Variants in TCF20 observed in about 807,000 individuals in gnomAD.
TCF20 encodes the protein transcription factor 20.
In TCF20, 3 loss-of-function variants were observed where a neutral mutation model predicts 148.6. The ratio of observed to expected loss-of-function variants is 0.02; its 90% CI spans 0.01 to 0.05. The LOEUF is 0.05. Ranked by LOEUF, TCF20 falls within the 10% of genes least tolerant of loss-of-function variation. TCF20 has a pLI of 1.00. For synonymous variants in TCF20, 1,049 were observed against 909.5 expected (o/e 1.15, Z -2.76); for missense variants, 2,350 against 2,429.3 (o/e 0.97, Z 0.69).
At chr22:42,321,260 C>T (rs953595067) in intron 1 of TCF20, among the ~76,000 whole-genome samples, 1 of 152,204 alleles carries the variant, frequency 6.6e-6, no homozygotes, top group Non-Finnish European at 1.5e-5. Flanking sequence ...GGATGGGCAA[C>T]GCAGGCCATG....
chr22:42,241,326 TAGATCCAA>T (rs1345503903), intron 1 of TCF20, among the ~76,000 whole-genome samples: 1 of 152,198 alleles, frequency 6.6e-6, no homozygotes, highest in African/African-American at 2.4e-5. Context: ...GAGGCAGTTA[TAGATCCAA>T]AGGAACTCCA....
chr22:42,287,812 A>T (rs1433779279), upstream of TCF20, among the ~76,000 whole-genome samples: 1 of 152,230 alleles, frequency 6.6e-6, no homozygotes, highest in African/African-American at 2.4e-5. Context: ...CAATTGGTCC[A>T]GCATCCATTT....
upstream of TCF20, among the ~76,000 whole-genome samples, chr22:42,270,818 G>A (rs1443691969): frequency 6.8e-6 from 1 of 147,904 alleles, no homozygotes; most frequent in East Asian, 2.0e-4. Flanking sequence ...CGAGGCTGGC[G>A]CGCGCCGGGT....
At chr22:42,173,388 A>C (rs1418979768) in intron 3 of TCF20, among the ~76,000 whole-genome samples, 1 of 152,148 alleles carries the variant, frequency 6.6e-6, no homozygotes, top group Non-Finnish European at 1.5e-5. Context: ...GTGGGGGGGA[A>C]GGTGGCAGGA....
rs986177872 is a variant in TCF20, at chr22:42,310,162, T to G, written c.-37+33317A>C. Among the ~76,000 whole-genome samples the G allele has an allele frequency of 4.6e-5, 7 of 152,350 alleles. No homozygotes were observed. In the East Asian group the frequency reaches 1.3e-3, roughly 29 times the overall value. On this transcript the variant is annotated intron_variant, in intron 1 of 1. Coordinates refer to the TCF20 transcript ENST00000515426. ...CTCTAGGCAGAGGGAATTGTTTCTG[T>G]TGGACCTTGCAGGCCTTAACTGCCT...
chr22:42,191,131 A>G (rs1159825861), intron 2 of TCF20, among the ~76,000 whole-genome samples: 1 of 152,220 alleles, frequency 6.6e-6, no homozygotes, highest in Non-Finnish European at 1.5e-5. Flanking sequence ...GCATTACTCA[A>G]GAAGGCCTGG....
chr22:42,199,956 T>A (rs1411260172), intron 2 of TCF20, among the ~76,000 whole-genome samples: 3 of 70,326 alleles, frequency 4.3e-5, no homozygotes, highest in African/African-American at 6.9e-5. Flanking sequence ...TTTTTGGGAT[T>A]CTCTGGGTTT....
At chr22:42,203,054 T>C (rs1443867197) in intron 2 of TCF20, among the ~76,000 whole-genome samples, 1 of 152,240 alleles carries the variant, frequency 6.6e-6, no homozygotes, top group Non-Finnish European at 1.5e-5. Context: ...TAGTTTAACA[T>C]CCCAGGGATG....
chr22:42,203,807 C>G (rs1938203671), intron 2 of TCF20, among the ~76,000 whole-genome samples: 1 of 152,000 alleles, frequency 6.6e-6, no homozygotes, highest in African/African-American at 2.4e-5. Context: ...TGAGAAAGGG[C>G]AGTTGTAGCA....
chr22:42,210,942 G>A lies in TCF20; in HGVS notation c.4364C>T (p.Thr1455Ile). Residue 1455 changes from threonine (T) to isoleucine (I), a missense_variant, in exon 2 of 6, where the codon ACT becomes ATT. This residue lies in a region of TCF20 where 231 missense variants were observed against 213.7 expected (regional missense o/e 1.08). Coordinates refer to ENST00000677622, the MANE Select transcript of TCF20 (RefSeq NM_001378418.1). The surrounding 1 kb of genome is among the most constrained non-coding windows in gnomAD (Gnocchi z 4.7). ...VKTETHAETV[T>I]AGKEPPGAMT... is the part of the protein sequence containing the mutation. ...GGCACCAGGGGGTTCCTTTCCGGCAGTAACTGTTTCTGCATGTGTCTCTGT... is the reference window on the plus strand; with the variant it reads ...GGCACCAGGGGGTTCCTTTCCGGCAATAACTGTTTCTGCATGTGTCTCTGT... 1.2e-6 allele frequency: 2 copies of A among 1,614,164 alleles called. No homozygotes were observed. The highest frequency in any genetic ancestry group is 1.7e-5 in the Admixed American group (1 of 60,024).
intron 2 of TCF20, among the ~76,000 whole-genome samples, chr22:42,205,794 T>C (rs1405648420): frequency 3.3e-5 from 5 of 152,150 alleles, no homozygotes; most frequent in Admixed American, 1.3e-4. Context: ...TTTTTAGAGA[T>C]TGAATCCCAC....
chr22:42,174,566 C>T (rs932866211), intron 3 of TCF20, among the ~76,000 whole-genome samples: 3 of 152,148 alleles, frequency 2.0e-5, no homozygotes, highest in African/African-American at 4.8e-5. Context: ...ATAAAACTAA[C>T]AATCAACCAT....
upstream of TCF20, among the ~76,000 whole-genome samples, chr22:42,284,176 CG>C (rs1443723271): frequency 6.6e-6 from 1 of 151,088 alleles, no homozygotes; most frequent in African/African-American, 2.4e-5. Context: ...CCTTCAACTG[CG>C]GAGAGCGCGT....
intron 2 of TCF20, among the ~76,000 whole-genome samples, chr22:42,205,283 GGGAAGGGAAAAA>G (rs145790507): frequency 0.047 from 7,156 of 151,500 alleles, 562 homozygotes; most frequent in African/African-American, 0.16. Context: ...CCACACTTGT[GGGAAGGGAAAAA>G]GGAAGGGAAA....
chr22:42,262,066 G>A (rs531904335), intron 1 of TCF20, among the ~76,000 whole-genome samples: 130 of 152,292 alleles, frequency 8.5e-4, no homozygotes, highest in African/African-American at 2.8e-3. Context: ...CTGGAGGGCC[G>A]TGAACAAAAG....
chr22:42,175,376 C>G lies in TCF20; in HGVS notation c.5749+4233G>C, dbSNP rs572210752. Among the ~76,000 whole-genome samples the G allele has an allele frequency of 1.8e-4, 27 of 152,202 alleles. No individual in the cohort carries two copies. The South Asian group carries it at 5.6e-3, about 32-fold the overall frequency. ...TTTTCTTTTGAGACAGAGTCTCGCTCTGTTGCCAGGCTGGAGTGCAGTGGC... is the reference window on the plus strand; with the variant it reads ...TTTTCTTTTGAGACAGAGTCTCGCTGTGTTGCCAGGCTGGAGTGCAGTGGC... On this transcript the variant is annotated intron_variant, in intron 3 of 5. Transcript: ENST00000677622.
chr22:42,241,012 C>T (rs569911903), intron 1 of TCF20, among the ~76,000 whole-genome samples: 72 of 152,208 alleles, frequency 4.7e-4, no homozygotes, highest in African/African-American at 1.5e-3. Context: ...CCCGCCATCA[C>T]GCCCGGCTAA....
At chr22:42,180,198 G>A (rs762448778) in intron 2 of TCF20, among the ~76,000 whole-genome samples, 2 of 152,144 alleles carry the variant, frequency 1.3e-5, no homozygotes, top group Non-Finnish European at 2.9e-5. Flanking sequence ...TTTGTAAGAA[G>A]ATTTTATTTT....
chr22:42,332,826 A>G (rs1928000393), intron 1 of TCF20, among the ~76,000 whole-genome samples: 1 of 152,232 alleles, frequency 6.6e-6, no homozygotes, highest in Non-Finnish European at 1.5e-5. Flanking sequence ...GAAAGGGACC[A>G]TGCTGTGCGG....
Sources: gnomAD v4.1 joint callset for allele counts (sites outside exome capture counted in the v4.1 genomes callset) on GRCh38, gnomAD v4.1.1 for gene constraint, gnomAD v4.1.1 regional missense constraint, Gnocchi (gnomAD v3.1) non-coding constraint, MANE v1.5 for transcripts, NCBI Gene and HGNC (gene_info 2026-07-23, HGNC 2026-07-21) for gene names.